FAM24B: variants seen among roughly 807,000 people sequenced by gnomAD.
FAM24B encodes the protein protein FAM24B.
Under a neutral mutation model 2.3 loss-of-function variants are expected in FAM24B, and 3 were observed. The observed-to-expected ratio is 1.29, with a 90% CI of 0.59 to 3.32. The LOEUF (loss-of-function observed/expected upper bound fraction) is 3.32. FAM24B is among the 30% of genes most tolerant of loss of function. The pLI is 0.03. For missense variants in FAM24B, 98 were observed against 117.2 expected, an observed-to-expected ratio of 0.84 and a Z score of 0.76; for synonymous variants, 36 against 46.3, an observed-to-expected ratio of 0.78 and a Z score of 0.90.
rs943484148 is a variant in FAM24B at position 122,867,093 on chromosome 10, T to A, written c.-177-11307A>T. On this transcript the variant is annotated intron_variant, in intron 1 of 3. Coordinates refer to ENST00000368898, the MANE Select transcript of FAM24B (RefSeq NM_152644.3). ...ATTGCTGATATGAATAAAGTTTTAG[T>A]GGTCTGGATAGAAAATCAAACCAGC... is the stretch of plus-strand genomic sequence containing the variant. Among the ~76,000 whole-genome samples, 176 of 152,204 alleles carry A rather than the reference T, an allele frequency of 1.2e-3. 2 individuals carry two copies. Among genetic ancestry groups the A allele is most frequent in the Admixed American group, 5.9e-4 (9 of 15,290 alleles).
intron 1 of FAM24B, among the ~76,000 whole-genome samples, chr10:122,859,327 G>A (rs2133830455): frequency 6.6e-6 from 1 of 152,308 alleles, no homozygotes; most frequent in East Asian, 1.9e-4. Flanking sequence ...ATATTCTAAA[G>A]TTGTATTCTG....
intron 1 of FAM24B, among the ~76,000 whole-genome samples, chr10:122,868,822 C>T (rs879489384): frequency 1.2e-4 from 18 of 152,222 alleles, no homozygotes; most frequent in South Asian, 2.1e-4. Flanking sequence ...CCAGCCATTA[C>T]AAAAACATGC....
At chr10:122,853,866 C>CA (rs1847589885) in intron 2 of FAM24B, among the ~76,000 whole-genome samples, 1 of 152,232 alleles carries the variant, frequency 6.6e-6, no homozygotes, top group Non-Finnish European at 1.5e-5. Context: ...GGACCCTCCC[C>CA]ATGGGGGTGA....
At chr10:122,852,398 A>ATTTTG (rs933067825) in intron 2 of FAM24B, among the ~76,000 whole-genome samples, 4 of 152,214 alleles carry the variant, frequency 2.6e-5, no homozygotes, top group South Asian at 2.1e-4. Context: ...TGAGGGCCCA[A>ATTTTG]TTTTGTTTTG....
chr10:122,858,926 C>T (rs550609542), intron 1 of FAM24B, among the ~76,000 whole-genome samples: 1 of 152,178 alleles, frequency 6.6e-6, no homozygotes, highest in African/African-American at 2.4e-5. Context: ...AGGGATCTGA[C>T]AATATATTAA....
At chr10:122,849,571 G>T in intron 3 of FAM24B, 132 bp from the exon 4 acceptor site, 1 of 698,628 alleles carries the variant, frequency 1.4e-6, no homozygotes, top group Non-Finnish European at 2.3e-6. Flanking sequence ...CTACATTAAA[G>T]CTCTCTCCCC....
rs556263306 is a variant in FAM24B, at chr10:122,871,152, A to G, written c.-178+8333T>C. Among the ~76,000 whole-genome samples the G allele has an allele frequency of 1.5e-3, 232 of 152,176 alleles. 2 individuals are homozygous for G. The highest frequency in any genetic ancestry group is 5.3e-3 in the African/African-American group (222 of 41,524). On this transcript the variant is annotated intron_variant, in intron 1 of 3. Coordinates refer to ENST00000368898, the MANE Select transcript of FAM24B (RefSeq NM_152644.3). ...TCTTATACACCAACAACAGACAAAC[A>G]GAGAGCCAAATCATGAGTGAACTCC...
At chr10:122,867,606 G>A (rs1171024495) in intron 1 of FAM24B, among the ~76,000 whole-genome samples, 1 of 152,122 alleles carries the variant, frequency 6.6e-6, no homozygotes, top group Non-Finnish European at 1.5e-5. Context: ...CCAGAGAAAC[G>A]AACAGGCAGC....
chr10:122,861,406 T>G (rs1341731572), intron 1 of FAM24B, among the ~76,000 whole-genome samples: 1 of 152,230 alleles, frequency 6.6e-6, no homozygotes, highest in Non-Finnish European at 1.5e-5. Flanking sequence ...TGTGAGTCCT[T>G]AAACTTTGTT....
At position 122,849,300 on chromosome 10, in the gene FAM24B, C is replaced by T. The variant is rs777859489; in HGVS notation, c.232G>A (p.Ala78Thr). 2 of 1,595,114 alleles carry T rather than the reference C, an allele frequency of 1.3e-6. No homozygotes were observed. The highest frequency in any genetic ancestry group is 1.1e-5 in the South Asian group (1 of 87,766). Reference sequence around the variant, plus strand: ...CAAGGTGGCAGGGAATCAAAACTGGCACACATTCTATATCCTTCACAGCAC... The same window carrying T: ...CAAGGTGGCAGGGAATCAAAACTGGTACACATTCTATATCCTTCACAGCAC... Reference protein sequence around the residue: ...LQCCEGYRMCASFDSLPPCCC... With the variant: ...LQCCEGYRMCTSFDSLPPCCC... Residue 78 changes from alanine (A) to threonine (T), a missense_variant, in exon 4 of 4, where the codon GCC becomes ACC. By Grantham distance (58) the Ala-to-Thr change is moderately conservative. Transcript: ENST00000368898.
intron 2 of FAM24B, among the ~76,000 whole-genome samples, chr10:122,851,319 C>T (rs757811155): frequency 6.6e-5 from 10 of 152,176 alleles, no homozygotes; most frequent in African/African-American, 1.4e-4. Flanking sequence ...CATCTCATCA[C>T]GAATTTCTCA....
chr10:122,851,997 T>C (rs763107778), intron 2 of FAM24B, among the ~76,000 whole-genome samples: 4 of 152,138 alleles, frequency 2.6e-5, no homozygotes, highest in Non-Finnish European at 4.4e-5. Context: ...CAGATTGGGA[T>C]TGACAGAAGA....
chr10:122,851,417 C>A (rs1489610054), intron 2 of FAM24B, among the ~76,000 whole-genome samples: 1 of 152,244 alleles, frequency 6.6e-6, no homozygotes, highest in Non-Finnish European at 1.5e-5. Context: ...GCAGAGCTAG[C>A]AGAATGGATA....
chr10:122,871,932 A>T (rs1174319121), intron 1 of FAM24B, among the ~76,000 whole-genome samples: 1 of 152,230 alleles, frequency 6.6e-6, no homozygotes, highest in Non-Finnish European at 1.5e-5. Flanking sequence ...GCCAAAATTG[A>T]CAAACGGGAT....
chr10:122,850,366 C>A, intron 3 of FAM24B, 58 bp downstream of exon 3: 2 of 1,377,886 alleles, frequency 1.5e-6, no homozygotes, highest in South Asian at 1.2e-5. Context: ...GAAGTGCTAT[C>A]CCCTTTTCCC....
chr10:122,878,947 A>G (rs1404272842), intron 1 of FAM24B, among the ~76,000 whole-genome samples: 1 of 152,124 alleles, frequency 6.6e-6, no homozygotes, highest in African/African-American at 2.4e-5. Flanking sequence ...AATTATGATG[A>G]CATGTATCAA....
intron 1 of FAM24B, among the ~76,000 whole-genome samples, chr10:122,857,572 C>G (rs529993516): frequency 6.6e-6 from 1 of 152,278 alleles, no homozygotes; most frequent in South Asian, 2.1e-4. Flanking sequence ...TTATAAAACT[C>G]AAATTATCAA....
At chr10:122,873,534 C>A (rs1386617949) in intron 1 of FAM24B, among the ~76,000 whole-genome samples, 2 of 152,248 alleles carry the variant, frequency 1.3e-5, no homozygotes, top group Non-Finnish European at 2.9e-5. Flanking sequence ...GTTTTCATGT[C>A]TACCAACACA....
At chr10:122,865,474 T>G (rs925528999) in intron 1 of FAM24B, among the ~76,000 whole-genome samples, 4 of 152,200 alleles carry the variant, frequency 2.6e-5, no homozygotes, top group African/African-American at 9.6e-5. Context: ...TAACTCCCAC[T>G]TGGTGTTGAT....
Sources: gnomAD v4.1 joint callset for allele counts (sites outside exome capture counted in the v4.1 genomes callset) on GRCh38, gnomAD v4.1.1 for gene constraint, MANE v1.5 for transcripts, NCBI Gene and HGNC (gene_info 2026-07-23, HGNC 2026-07-21) for gene names.